The following KLK13 variants were observed in gnomAD, a reference collection of about 807,000 sequenced individuals.
The protein encoded by KLK13 is kallikrein related peptidase 13.
Under a neutral mutation model 22.4 loss-of-function variants are expected in KLK13, and 19 were observed. The ratio of observed to expected loss-of-function variants is 0.85; its 90% CI spans 0.59 to 1.24. The LOEUF (loss-of-function observed/expected upper bound fraction) is 1.24, where lower values mean the gene tolerates loss of function less well. Ranked by LOEUF, KLK13 falls within the 50% of genes most tolerant of loss-of-function variation. KLK13 has a pLI of 0.00. For synonymous variants in KLK13, 156 were observed against 141.8 expected (o/e 1.10, Z -0.71); for missense variants, 311 against 347.9 (o/e 0.89, Z 0.84).
rs2091710161 is a variant in KLK13, at chr19:51,059,908, G to A, written c.425C>T (p.Thr142Ile). The A allele has an allele frequency of 6.2e-7, 1 of 1,607,758 alleles. No individual in the cohort carries two copies. The change falls in exon 3 of 5, where the codon ACC becomes ATC. Residue 142 changes from threonine (T) to isoleucine (I), a missense_variant. By Grantham distance (89) the Thr-to-Ile change is moderately conservative. Coordinates refer to ENST00000595793, the MANE Select transcript of KLK13 (RefSeq NM_015596.3). ...SPVQLTGYIQ[T>I]LPLSHNNRLT... Reference sequence around the variant, plus strand: ...GCGGTTGTTGTGGGAAAGGGGCAGGGTTTGGATGTAGCCTGTGAGCTGGAC... The same window carrying A: ...GCGGTTGTTGTGGGAAAGGGGCAGGATTTGGATGTAGCCTGTGAGCTGGAC...
Position 51,064,858 on chromosome 19 carries a change from G to A in KLK13, c.52+158C>T. 1.7e-5 allele frequency: 11 copies of A among 659,066 alleles called. No individual in the cohort carries two copies. The South Asian group carries it at 2.0e-4, about 12-fold the overall frequency. 40.8% of individuals were successfully genotyped at this position (659,066 alleles called of 1,614,324 possible). ...CTCAGCCGGGAAACCAGGTCACCCA[G>A]GGACAAGCAGGAAGAGCTCTGAGCT... On this transcript the variant is annotated intron_variant, in intron 1 of 4. Transcript: ENST00000595793.
At position 51,060,630 on chromosome 19, in the gene KLK13, A is replaced by G; in HGVS notation, c.53-11T>C. ...ACTCCTGGGAGACACCTGGTAAAGAAGAGAGATTGTTAGAAAACTGGGATC... is the reference window on the plus strand; with the variant it reads ...ACTCCTGGGAGACACCTGGTAAAGAGGAGAGATTGTTAGAAAACTGGGATC... On this transcript the variant is annotated splice_polypyrimidine_tract_variant and intron_variant, in intron 1 of 4. Transcript: ENST00000595793. 1 of 1,571,094 alleles carries G rather than the reference A, an allele frequency of 6.4e-7. No individual in the cohort carries two copies. Among genetic ancestry groups the G allele is most frequent in the Non-Finnish European group, 8.7e-7 (1 of 1,150,966 alleles).
chr19:51,064,077 T>C (rs965403394), intron 1 of KLK13, among the ~76,000 whole-genome samples: 1 of 151,996 alleles, frequency 6.6e-6, no homozygotes, highest in Non-Finnish European at 1.5e-5. Flanking sequence ...CAGGGAAAGA[T>C]GGGAAAGATC....
At chr19:51,064,026 T>C (rs1263313217) in intron 1 of KLK13, among the ~76,000 whole-genome samples, 1 of 152,150 alleles carries the variant, frequency 6.6e-6, no homozygotes, top group Non-Finnish European at 1.5e-5. Flanking sequence ...AATGAATAAA[T>C]GATTCATGAA....
In KLK13 at chr19:51,060,183, ACTT is replaced by A. The variant is rs1016639527; in HGVS notation, c.240-93_240-91del. The A allele has an allele frequency of 1.9e-5, 29 of 1,490,898 alleles. No individual in the cohort carries two copies. In the East Asian group the frequency reaches 2.3e-4, roughly 12 times the overall value. The allele number at this position is 1,490,898 out of a possible 1,614,324, so 92.4% of individuals were successfully genotyped here. On this transcript the variant is annotated intron_variant, in intron 2 of 4. Transcript: ENST00000595793. ...CCAACCTCTTCCCATCCCCAACCTA[ACTT>A]CTTCTCCATCCTACCTTCCTCATCT...
chr19:51,056,758 G>A lies in KLK13; in HGVS notation c.663C>T (p.Pro221=). 1.2e-6 allele frequency: 2 copies of A among 1,613,718 alleles called. No homozygotes were observed. The highest frequency in any genetic ancestry group is 1.1e-5 in the South Asian group (1 of 90,956). Residue 221 remains proline (P), a synonymous_variant, in exon 5 of 5, where the codon CCC becomes CCT. Coordinates refer to ENST00000595793, the MANE Select transcript of KLK13 (RefSeq NM_015596.3). The part of the protein sequence containing the change: ...KDSCEGDSGG[P]LVCNRTLYGI... ...CATACAGTGTTCTGTTACAGACCAG[G>A]GGGCCCCCAGAGTCACCCTGAGTTG...
At position 51,056,772 on chromosome 19, in the gene KLK13, C is replaced by A; in HGVS notation, c.649G>T (p.Asp217Tyr). Reference protein sequence around the residue: ...KEGGKDSCEGDSGGPLVCNRT... With the variant: ...KEGGKDSCEGYSGGPLVCNRT... ...TTACAGACCAGGGGGCCCCCAGAGT[C>A]ACCCTGAGTTGGGGAAAGAAAGAGA... Residue 217 changes from aspartate to tyrosine, a missense_variant, in exon 5 of 5, where the codon GAC becomes TAC. By Grantham distance (160) the Asp-to-Tyr change is radical. Transcript: ENST00000595793. 6.2e-7 allele frequency: 1 copy of A among 1,612,804 alleles called. No homozygotes were observed. The highest frequency in any genetic ancestry group is 1.1e-5 in the South Asian group (1 of 90,868).
chr19:51,065,029 C>A lies in KLK13; in HGVS notation c.39G>T (p.Leu13Phe). ...GCGCATTCTTACCTCCTGACAAGGC[C>A]AAGGTCAGGGAGGCGATCACTAGGG... Reference protein sequence around the residue: ...PLALVIASLTLALSGGVSQES... With the variant: ...PLALVIASLTFALSGGVSQES... The change falls in exon 1 of 5, where the codon TTG (leucine) becomes TTT (phenylalanine). Residue 13 changes from leucine to phenylalanine, a missense_variant. By Grantham distance (22) the Leu-to-Phe change is conservative. Coordinates refer to ENST00000595793, the MANE Select transcript of KLK13 (RefSeq NM_015596.3). The A allele has an allele frequency of 6.6e-7, 1 of 1,515,658 alleles. No individual in the cohort carries two copies. Among genetic ancestry groups the A allele is most frequent in the East Asian group, 2.6e-5 (1 of 38,582 alleles). 93.9% of individuals were successfully genotyped at this position (1,515,658 alleles called of 1,614,324 possible).
At chr19:51,060,697 G>T in intron 1 of KLK13, 78 bp from the exon 2 acceptor site, 1 of 1,223,722 alleles carries the variant, frequency 8.2e-7, no homozygotes, top group Non-Finnish European at 1.2e-6. Flanking sequence ...TCTGGGTTTG[G>T]GGTAAGGGTC....
At chr19:51,065,132 G>C (rs1436488265), upstream of KLK13, 3 of 1,220,516 alleles carry the variant, frequency 2.5e-6, no homozygotes, top group Non-Finnish European at 3.4e-6. Flanking sequence ...AGGGGGTGTT[G>C]AGGGCGTGCC....
intron 4 of KLK13, among the ~76,000 whole-genome samples, chr19:51,057,133 T>TCC (rs61373558): frequency 6.6e-6 from 1 of 151,660 alleles, no homozygotes. Context: ...TGGTACTAAA[T>TCC]CACCCCCTGC....
In KLK13 at chr19:51,058,622, C is replaced by T. The variant is rs1488607991; in HGVS notation, c.561G>A (p.Glu187=). ...QCANIQLRSD[E]ECRQVYPGKI... ...TTCCTGGGTAGACTTGACGACACTCCTCATCTGAGCGAAGTTGGATGTTGG... is the reference window on the plus strand; with the variant it reads ...TTCCTGGGTAGACTTGACGACACTCTTCATCTGAGCGAAGTTGGATGTTGG... The change falls in exon 4 of 5, where the codon GAG becomes GAA. Residue 187 remains glutamate (E), a synonymous_variant. Transcript: ENST00000595793. 6.2e-7 allele frequency: 1 copy of T among 1,614,000 alleles called. No homozygotes were observed. The highest frequency in any genetic ancestry group is 1.3e-5 in the African/African-American group (1 of 74,888).
At chr19:51,057,700 C>T (rs1036048330) in intron 4 of KLK13, among the ~76,000 whole-genome samples, 3 of 152,158 alleles carry the variant, frequency 2.0e-5, no homozygotes, top group African/African-American at 7.2e-5. Flanking sequence ...TGGTCTCAAA[C>T]TCCTGGGCTC....
chr19:51,063,321 T>C (rs1450164417), intron 1 of KLK13, among the ~76,000 whole-genome samples: 1 of 152,256 alleles, frequency 6.6e-6, no homozygotes, highest in Non-Finnish European at 1.5e-5. Flanking sequence ...CAAAGAATTC[T>C]ATTCTCTATT....
At chr19:51,059,371 C>T (rs1323568731) in intron 3 of KLK13, among the ~76,000 whole-genome samples, 4 of 145,288 alleles carry the variant, frequency 2.8e-5, no homozygotes, top group African/African-American at 5.0e-5. Flanking sequence ...AATTCATTTA[C>T]AGTATATAAA....
chr19:51,059,647 T>A, intron 3 of KLK13, 178 bp downstream of exon 3: 1 of 340,536 alleles, frequency 2.9e-6, no homozygotes, highest in Non-Finnish European at 5.0e-6. Context: ...CTCATATTTT[T>A]ATATATTCAT....
At chr19:51,058,835 G>A (rs983828723) in intron 3 of KLK13, among the ~76,000 whole-genome samples, 161 bp from the exon 4 acceptor site, 1 of 152,148 alleles carries the variant, frequency 6.6e-6, no homozygotes, top group Non-Finnish European at 1.5e-5. Context: ...AGCAACGGAA[G>A]TGACAGAAAT....
intron 1 of KLK13, among the ~76,000 whole-genome samples, chr19:51,063,390 G>A (rs2091747556): frequency 6.6e-6 from 1 of 151,632 alleles, no homozygotes; most frequent in Admixed American, 6.6e-5. Context: ...AAGAAAAAAA[G>A]CTAACTTTAA....
At position 51,064,594 on chromosome 19, in the gene KLK13, T is replaced by G. The variant is rs769847454; in HGVS notation, c.52+422A>C. The G allele has an allele frequency of 5.8e-6, 3 of 517,088 alleles. No individual in the cohort carries two copies. In the Admixed American group the frequency reaches 6.0e-5, roughly 10 times the overall value. The allele number at this position is 517,088 out of a possible 1,614,324, so 32.0% of individuals were successfully genotyped here. On this transcript the variant is annotated intron_variant, in intron 1 of 4. Transcript: ENST00000595793. Reference sequence around the variant, plus strand: ...TGCGACATACTGAAGGCTCGACGCATTACCTCGTTTCAATATTCACAGTGA... The same window carrying G: ...TGCGACATACTGAAGGCTCGACGCAGTACCTCGTTTCAATATTCACAGTGA...
Sources: gnomAD v4.1 joint callset for allele counts (sites outside exome capture counted in the v4.1 genomes callset) on GRCh38, gnomAD v4.1.1 for gene constraint, MANE v1.5 for transcripts, NCBI Gene and HGNC (gene_info 2026-07-23, HGNC 2026-07-21) for gene names.